Variants in TMEM161B observed in about 807,000 individuals in gnomAD.
TMEM161B encodes the protein transmembrane protein 161B.
Under a neutral mutation model 61.8 loss-of-function variants are expected in TMEM161B, and 34 were observed. The ratio of observed to expected loss-of-function variants is 0.55; its 90% CI spans 0.42 to 0.73. TMEM161B has a LOEUF of 0.73. TMEM161B is among the 30% of genes least tolerant of loss of function. The probability of loss-of-function intolerance (pLI) is 0.00; values close to 1 mark genes in which losing one functional copy is unlikely to be tolerated. For missense variants in TMEM161B, 456 were observed against 558.5 expected (o/e 0.82, Z 1.85); for synonymous variants, 167 against 192.8 (o/e 0.87, Z 1.11).
At chr5:88,213,430 A>G (rs1747225209) in intron 5 of TMEM161B, among the ~76,000 whole-genome samples, 1 of 152,126 alleles carries the variant, frequency 6.6e-6, no homozygotes, top group Non-Finnish European at 1.5e-5. Context: ...ATATAAGCAA[A>G]AAACTATCGT....
At position 88,222,879 on chromosome 5, in the gene TMEM161B, A is replaced by C. The variant is rs1749260212; in HGVS notation, c.290-2160T>G. 2.6e-5 allele frequency among the ~76,000 whole-genome samples: 4 copies of C among 152,130 alleles called. No homozygotes were observed. The South Asian group carries it at 8.3e-4, about 31-fold the overall frequency. ...TATATGCCTTTTAATAAAATATTGA[A>C]GTCAAAAGAAGTTAAGACAGAAAAC... On this transcript the variant is annotated intron_variant, in intron 4 of 11. Coordinates refer to ENST00000296595, the MANE Select transcript of TMEM161B (RefSeq NM_153354.5).
chr5:88,211,883 C>A (rs757606723), intron 5 of TMEM161B, among the ~76,000 whole-genome samples: 1 of 151,460 alleles, frequency 6.6e-6, no homozygotes, highest in Non-Finnish European at 1.5e-5. Flanking sequence ...GAGGGACGGA[C>A]AGAAGAAATT....
At chr5:88,212,956 A>C (rs1381865601) in intron 5 of TMEM161B, among the ~76,000 whole-genome samples, 2 of 152,252 alleles carry the variant, frequency 1.3e-5, no homozygotes, top group Non-Finnish European at 2.9e-5. Context: ...ATTTATGATT[A>C]TCTCTTTAAA....
chr5:88,215,832 G>A (rs552862338), intron 5 of TMEM161B, among the ~76,000 whole-genome samples: 1 of 152,268 alleles, frequency 6.6e-6, no homozygotes, highest in South Asian at 2.1e-4. Flanking sequence ...CTATTAAAAA[G>A]TATATTTTTC....
intron 1 of TMEM161B, among the ~76,000 whole-genome samples, chr5:88,267,901 AT>A (rs377217785): frequency 6.8e-4 from 103 of 152,260 alleles, no homozygotes; most frequent in African/African-American, 2.4e-3. Context: ...GGGTACCTGA[AT>A]TTTGTCCTTC....
chr5:88,186,930 C>A (rs966581673), downstream of TMEM161B, among the ~76,000 whole-genome samples: 12 of 151,768 alleles, frequency 7.9e-5, no homozygotes, highest in African/African-American at 2.7e-4. Flanking sequence ...ACAACAACAA[C>A]AAACCAATTT....
At chr5:88,219,848 A>G (rs1482533017) in intron 5 of TMEM161B, among the ~76,000 whole-genome samples, 1 of 152,192 alleles carries the variant, frequency 6.6e-6, no homozygotes, top group African/African-American at 2.4e-5. Context: ...TGCAAAAAAG[A>G]AAAAGAATAA....
Position 88,238,209 on chromosome 5 carries a change from T to C in TMEM161B, c.107+2604A>G, listed in dbSNP as rs148539212. On this transcript the variant is annotated intron_variant, in intron 2 of 11. Transcript: ENST00000296595. ...TTTTTTTCTGAGTATTTTTGATCCATGATTGGCTGAATCCAGAAATATGGA... is the reference window on the plus strand; with the variant it reads ...TTTTTTTCTGAGTATTTTTGATCCACGATTGGCTGAATCCAGAAATATGGA... Among the ~76,000 whole-genome samples, 15 of 152,170 alleles carry C rather than the reference T, an allele frequency of 9.9e-5. No homozygotes were observed. The East Asian group carries it at 2.9e-3, about 29-fold the overall frequency.
At chr5:88,192,372 C>T (rs940924031), downstream of TMEM161B, among the ~76,000 whole-genome samples, 1 of 151,964 alleles carries the variant, frequency 6.6e-6, no homozygotes, top group Non-Finnish European at 1.5e-5. Flanking sequence ...TGTAAAAAGG[C>T]TCTACCTGTT....
chr5:88,243,361 T>C (rs761769996), intron 1 of TMEM161B, among the ~76,000 whole-genome samples: 1 of 151,868 alleles, frequency 6.6e-6, no homozygotes, highest in Non-Finnish European at 1.5e-5. Flanking sequence ...TGTTCCTGCA[T>C]AAGTTTGCTT....
chr5:88,207,947 T>G (rs187537769), intron 5 of TMEM161B, among the ~76,000 whole-genome samples: 9 of 152,348 alleles, frequency 5.9e-5, no homozygotes, highest in Non-Finnish European at 8.8e-5. Context: ...ACTTAGTACT[T>G]GCCATATGCC....
At chr5:88,248,400 C>T (rs949789579) in intron 1 of TMEM161B, among the ~76,000 whole-genome samples, 7 of 152,020 alleles carry the variant, frequency 4.6e-5, no homozygotes, top group Non-Finnish European at 7.4e-5. Context: ...AAAAGTATAT[C>T]GCCTACCTAG....
rs186231270 is a variant in TMEM161B, at chr5:88,253,430, C to T, written c.4-12514G>A. ...AATACTGGTTCACAGAGGTGACATCCGAACTAGTTTGACAAGGTTAAAAAG... is the reference window on the plus strand; with the variant it reads ...AATACTGGTTCACAGAGGTGACATCTGAACTAGTTTGACAAGGTTAAAAAG... On this transcript the variant is annotated intron_variant, in intron 1 of 11. Coordinates refer to ENST00000296595, the MANE Select transcript of TMEM161B (RefSeq NM_153354.5). Among the ~76,000 whole-genome samples the T allele has an allele frequency of 4.6e-5, 7 of 152,134 alleles. No homozygotes were observed. In the East Asian group the frequency reaches 1.2e-3, roughly 25 times the overall value.
At chr5:88,246,927 TGA>T (rs544988270) in intron 1 of TMEM161B, among the ~76,000 whole-genome samples, 48 of 152,122 alleles carry the variant, frequency 3.2e-4, no homozygotes, top group African/African-American at 1.1e-3. Flanking sequence ...AAACAATAAC[TGA>T]CCAAAGAGAT....
chr5:88,260,843 T>C (rs1051910115), intron 1 of TMEM161B, among the ~76,000 whole-genome samples: 2 of 152,216 alleles, frequency 1.3e-5, no homozygotes, highest in African/African-American at 4.8e-5. Context: ...AGTCTCAAAG[T>C]AGCAAAAGTT....
At position 88,246,282 on chromosome 5, in the gene TMEM161B, GA is replaced by G. The variant is rs559687030; in HGVS notation, c.4-5367del. ...CTTAGGTGACTAAATATGTGCTACTGAAAAAAAAAAGTAACTTTTATACCAA... is the reference window on the plus strand; with the variant it reads ...CTTAGGTGACTAAATATGTGCTACTGAAAAAAAAAGTAACTTTTATACCAA... On this transcript the variant is annotated intron_variant, in intron 1 of 11. Transcript: ENST00000296595. Among the ~76,000 whole-genome samples the G allele has an allele frequency of 5.1e-3, 748 of 146,294 alleles. 4 individuals are homozygous for G. The highest frequency in any genetic ancestry group is 0.018 in the African/African-American group (726 of 40,070).
In TMEM161B at chr5:88,246,240, C is replaced by T. The variant is rs1442690669; in HGVS notation, c.4-5324G>A. 4.0e-5 allele frequency among the ~76,000 whole-genome samples: 6 copies of T among 151,402 alleles called. No individual in the cohort carries two copies. The South Asian group carries it at 1.2e-3, about 32-fold the overall frequency. On this transcript the variant is annotated intron_variant, in intron 1 of 11. Coordinates refer to ENST00000296595, the MANE Select transcript of TMEM161B (RefSeq NM_153354.5). ...CTTCTATATAAGTCAACAGATCTAT[C>T]CTACAATGTATCTGCTCTTAGGTGA... is the stretch of plus-strand genomic sequence containing the variant.
rs375917379 is a variant in TMEM161B at position 88,209,608 on chromosome 5, C to T, written c.447-2428G>A. On this transcript the variant is annotated intron_variant, in intron 5 of 11. Coordinates refer to ENST00000296595, the MANE Select transcript of TMEM161B (RefSeq NM_153354.5). ...ACTTTACAGTCCCACACCACAAATG[C>T]CTAAAATGGTATAATCACTGCATCC... 1.2e-3 allele frequency among the ~76,000 whole-genome samples: 184 copies of T among 152,212 alleles called. 1 individual carries two copies. The highest frequency in any genetic ancestry group is 4.1e-3 in the African/African-American group (171 of 41,530).
chr5:88,247,454 C>G (rs771261897), intron 1 of TMEM161B, among the ~76,000 whole-genome samples: 1 of 152,020 alleles, frequency 6.6e-6, no homozygotes, highest in Non-Finnish European at 1.5e-5. Context: ...ACTTGGGACT[C>G]AGACCACCCC....
Sources: gnomAD v4.1 joint callset for allele counts (sites outside exome capture counted in the v4.1 genomes callset) on GRCh38, gnomAD v4.1.1 for gene constraint, MANE v1.5 for transcripts, NCBI Gene and HGNC (gene_info 2026-07-23, HGNC 2026-07-21) for gene names.